The following CDH4 variants were observed in gnomAD, a reference collection of about 807,000 sequenced individuals.
CDH4 encodes the protein cadherin 4.
A neutral mutation model predicts 86.0 loss-of-function variants in CDH4; 33 were observed. The ratio of observed to expected loss-of-function variants is 0.38; its 90% CI spans 0.29 to 0.51. The LOEUF (loss-of-function observed/expected upper bound fraction) is 0.51. Among genes scored for constraint, CDH4 ranks in the 20% least tolerant of loss-of-function variants. CDH4 has a pLI of 0.86. For missense variants in CDH4, 1,114 were observed against 1,307.4 expected (o/e 0.85, Z 2.28); for synonymous variants, 555 against 549.4 (o/e 1.01, Z -0.14).
At chr20:61,324,225 G>C (rs564338329) in intron 2 of CDH4, among the ~76,000 whole-genome samples, 2 of 152,216 alleles carry the variant, frequency 1.3e-5, no homozygotes, top group South Asian at 4.2e-4. Flanking sequence ...CTGAGCAGGG[G>C]CTTCTGTATG....
At chr20:61,710,864 C>T (rs1371629776) in intron 2 of CDH4, among the ~76,000 whole-genome samples, 1 of 152,226 alleles carries the variant, frequency 6.6e-6, no homozygotes, top group East Asian at 1.9e-4. Context: ...GGTCCCTGCC[C>T]TCATGAAGCG....
chr20:61,401,178 C>T (rs2085047604), intron 2 of CDH4, among the ~76,000 whole-genome samples: 1 of 152,198 alleles, frequency 6.6e-6, no homozygotes, highest in Non-Finnish European at 1.5e-5. Flanking sequence ...TACCCACTGT[C>T]ACCCAGATAA....
chr20:61,404,184 C>T (rs2085066804), intron 2 of CDH4, among the ~76,000 whole-genome samples: 1 of 152,070 alleles, frequency 6.6e-6, no homozygotes, highest in Non-Finnish European at 1.5e-5. Flanking sequence ...CCAGGACTCC[C>T]ACCACCACCT....
intron 2 of CDH4, among the ~76,000 whole-genome samples, chr20:61,352,373 G>A (rs1331165651): frequency 6.6e-6 from 1 of 152,180 alleles, no homozygotes. Flanking sequence ...TTTTGGTGAC[G>A]TTCGTTTGTT....
In CDH4 at chr20:61,882,917, C is replaced by T. The variant is rs577894652; in HGVS notation, c.1050+9017C>T. On this transcript the variant is annotated intron_variant, in intron 7 of 15. Coordinates refer to ENST00000614565, the MANE Select transcript of CDH4 (RefSeq NM_001794.5). ...TGTCCACTGTCTCCCCCACACCCGA[C>T]GGAAGCCACTCAGACCACGGAGCAC... Among the ~76,000 whole-genome samples, 70 of 152,066 alleles carry T rather than the reference C, an allele frequency of 4.6e-4. 2 individuals are homozygous for T. Among genetic ancestry groups the T allele is most frequent in the East Asian group, 4.5e-3 (23 of 5,136 alleles).
chr20:61,463,780 A>G (rs912041596), intron 2 of CDH4, among the ~76,000 whole-genome samples: 1 of 152,208 alleles, frequency 6.6e-6, no homozygotes, highest in East Asian at 1.9e-4. Context: ...CCACTGAAAC[A>G]AAAGGCGGGA....
intron 2 of CDH4, among the ~76,000 whole-genome samples, chr20:61,642,148 AG>A (rs557183063): frequency 1.3e-5 from 2 of 152,298 alleles, no homozygotes; most frequent in Non-Finnish European, 2.9e-5. Flanking sequence ...AAAATCAGAA[AG>A]AAAAAATGAG....
chr20:61,869,327 A>G (rs764124879), intron 6 of CDH4, among the ~76,000 whole-genome samples: 1 of 152,236 alleles, frequency 6.6e-6, no homozygotes, highest in Non-Finnish European at 1.5e-5. Context: ...ATGGGAACAC[A>G]GCCGTGCCCA....
chr20:61,890,215 T>C (rs1984756200), intron 7 of CDH4, among the ~76,000 whole-genome samples: 1 of 144,566 alleles, frequency 6.9e-6, no homozygotes, highest in African/African-American at 2.6e-5. Flanking sequence ...AGATGGATGT[T>C]GGATGGGTGA....
chr20:61,585,997 A>ATTG (rs72148665), intron 2 of CDH4, among the ~76,000 whole-genome samples: 99,062 of 136,572 alleles, frequency 0.73, 36,285 homozygotes, highest in East Asian at 0.8. Context: ...GGTGATGATG[A>ATTG]TGATGGTGAT....
At chr20:61,577,317 G>A (rs1209167382) in intron 2 of CDH4, among the ~76,000 whole-genome samples, 1 of 151,664 alleles carries the variant, frequency 6.6e-6, no homozygotes, top group African/African-American at 2.4e-5. Flanking sequence ...GTGTGTTGAA[G>A]GATGAGTGGA....
At chr20:61,258,329 CAAAAAAA>C (rs778048684) in intron 2 of CDH4, among the ~76,000 whole-genome samples, 20 of 62,350 alleles carry the variant, frequency 3.2e-4, no homozygotes, top group African/African-American at 1.1e-3. Context: ...GACTCCGTCT[CAAAAAAA>C]AAAAAAAAAG....
At chr20:61,273,242 A>C (rs113893970) in intron 2 of CDH4, among the ~76,000 whole-genome samples, 106 of 47,956 alleles carry the variant, frequency 2.2e-3, no homozygotes, top group Middle Eastern at 0.022. Flanking sequence ...GGGGGAGTAC[A>C]GTGTGCAGTT....
At chr20:61,499,425 CA>C in intron 2 of CDH4, 1 of 1,287,478 alleles carries the variant, frequency 7.8e-7, no homozygotes, top group Non-Finnish European at 1.0e-6. Flanking sequence ...TGGTTCAGAA[CA>C]AGGATTCGAT....
At chr20:61,565,866 G>A (rs368529698) in intron 2 of CDH4, among the ~76,000 whole-genome samples, 11 of 152,180 alleles carry the variant, frequency 7.2e-5, no homozygotes, top group Admixed American at 5.9e-4. Flanking sequence ...GGTTGCTGCC[G>A]GGGTTGCTCA....
intron 2 of CDH4, among the ~76,000 whole-genome samples, chr20:61,529,104 G>A (rs1373969785): frequency 1.3e-5 from 2 of 152,136 alleles, no homozygotes; most frequent in Non-Finnish European, 2.9e-5. Context: ...CATTTTCATG[G>A]TGAGACATTG....
At chr20:61,566,168 T>C (rs192372348) in intron 2 of CDH4, among the ~76,000 whole-genome samples, 4 of 152,308 alleles carry the variant, frequency 2.6e-5, no homozygotes, top group Admixed American at 2.6e-4. Context: ...CCCTGCATGG[T>C]CCCAGGGCTT....
rs6061423 is a variant in CDH4, at chr20:61,440,410, G to A, written c.169+185473G>A. 1.1e-4 allele frequency among the ~76,000 whole-genome samples: 16 copies of A among 152,240 alleles called. No homozygotes were observed. In the East Asian group the frequency reaches 2.7e-3, roughly 26 times the overall value. On this transcript the variant is annotated intron_variant, in intron 2 of 15. Coordinates refer to ENST00000614565, the MANE Select transcript of CDH4 (RefSeq NM_001794.5). Reference sequence around the variant, plus strand: ...TGAGCAGCCACAATGCTTGTTAGCCGCAACAAGTCAAGTAGGACGCAGTCA... The same window carrying A: ...TGAGCAGCCACAATGCTTGTTAGCCACAACAAGTCAAGTAGGACGCAGTCA...
intron 2 of CDH4, among the ~76,000 whole-genome samples, chr20:61,446,604 C>G (rs1264488903): frequency 6.6e-6 from 1 of 151,654 alleles, no homozygotes. Flanking sequence ...GGCTGTAAAG[C>G]GAATTCTTGT....
Sources: gnomAD v4.1 joint callset for allele counts (sites outside exome capture counted in the v4.1 genomes callset) on GRCh38, gnomAD v4.1.1 for gene constraint, MANE v1.5 for transcripts, NCBI Gene and HGNC (gene_info 2026-07-23, HGNC 2026-07-21) for gene names.